OPCML: variants seen among roughly 807,000 people sequenced by gnomAD.
OPCML encodes opioid binding protein/cell adhesion molecule like, also known as opioid-binding protein/cell adhesion molecule.
Under a neutral mutation model 37.8 loss-of-function variants are expected in OPCML, and 13 were observed. The observed-to-expected ratio is 0.34, with a 90% CI of 0.22 to 0.55. OPCML has a LOEUF of 0.55. Among genes scored for constraint, OPCML ranks in the 20% least tolerant of loss-of-function variants. The pLI is 0.91. For missense variants in OPCML, 341 were observed against 435.6 expected (o/e 0.78, Z 1.93); for synonymous variants, 176 against 168.8 (o/e 1.04, Z -0.33).
At chr11:133,487,854 GCTTAA>G (rs1947563612) in intron 1 of OPCML, among the ~76,000 whole-genome samples, 1 of 151,752 alleles carries the variant, frequency 6.6e-6, no homozygotes, top group Non-Finnish European at 1.5e-5. Context: ...TGATGTTGGT[GCTTAA>G]CTTATCAATA....
intron 3 of OPCML, among the ~76,000 whole-genome samples, chr11:132,614,536 C>T (rs1938868533): frequency 6.6e-6 from 1 of 152,148 alleles, no homozygotes; most frequent in Non-Finnish European, 1.5e-5. Flanking sequence ...GTCTTACTTT[C>T]TTCATCACAG....
rs1477726628 is a variant in OPCML, at chr11:133,532,413, C to A, written c.-89G>T. ...GCCTTCCTCTGTGCTGAATTCTGAG[C>A]AGGTTTAAATCCAATGTTTGCAAAG... is the stretch of plus-strand genomic sequence containing the variant. On this transcript the variant is annotated 5_prime_UTR_variant, in exon 1 of 8. Coordinates refer to ENST00000524381, the MANE Select transcript of OPCML (RefSeq NM_001012393.5). 4 of 1,503,708 alleles carry A rather than the reference C, an allele frequency of 2.7e-6. No individual in the cohort carries two copies. Among genetic ancestry groups the A allele is most frequent in the Non-Finnish European group, 3.6e-6 (4 of 1,100,756 alleles). 93.1% of individuals were successfully genotyped at this position (1,503,708 alleles called of 1,614,324 possible).
chr11:132,993,522 G>A (rs1946821290), intron 1 of OPCML, among the ~76,000 whole-genome samples: 1 of 152,154 alleles, frequency 6.6e-6, no homozygotes, highest in Non-Finnish European at 1.5e-5. Flanking sequence ...GACCCTCCAT[G>A]AATGACACCA....
chr11:133,473,446 A>C (rs1239380874), intron 1 of OPCML, among the ~76,000 whole-genome samples: 1 of 152,230 alleles, frequency 6.6e-6, no homozygotes, highest in Non-Finnish European at 1.5e-5. Context: ...ATTTTAAATA[A>C]TTTCAACCCC....
intron 1 of OPCML, among the ~76,000 whole-genome samples, chr11:133,268,024 C>A (rs1465932430): frequency 6.6e-6 from 1 of 152,200 alleles, no homozygotes; most frequent in East Asian, 1.9e-4. Context: ...CCAGTAGGTG[C>A]AGTTCCTTCT....
At chr11:133,460,978 G>GA (rs1234363567) in intron 1 of OPCML, among the ~76,000 whole-genome samples, 2 of 151,448 alleles carry the variant, frequency 1.3e-5, no homozygotes, top group Non-Finnish European at 3.0e-5. Context: ...ATGAAGGAGG[G>GA]AAAAAAACAC....
chr11:133,368,383 G>A (rs1333744943), intron 1 of OPCML, among the ~76,000 whole-genome samples: 1 of 152,126 alleles, frequency 6.6e-6, no homozygotes, highest in Non-Finnish European at 1.5e-5. Flanking sequence ...CAGCAGAGGA[G>A]AAGATGAGGG....
At chr11:132,826,248 C>G (rs1211246403) in intron 2 of OPCML, among the ~76,000 whole-genome samples, 6 of 152,162 alleles carry the variant, frequency 3.9e-5, no homozygotes, top group Non-Finnish European at 7.4e-5. Context: ...AAAACAAGCT[C>G]CTGTTGGCTT....
chr11:133,365,048 TCACA>T (rs3220326), intron 1 of OPCML, among the ~76,000 whole-genome samples: 40,756 of 146,370 alleles, frequency 0.28, 6,032 homozygotes, highest in East Asian at 0.46. Context: ...TCTCTCTCTT[TCACA>T]CACACACACA....
chr11:133,416,426 G>A (rs1945767020), intron 1 of OPCML, among the ~76,000 whole-genome samples: 1 of 152,136 alleles, frequency 6.6e-6, no homozygotes, highest in African/African-American at 2.4e-5. Context: ...AAATAAGCTG[G>A]ACTAACTCTG....
At chr11:132,889,440 C>A (rs1943557464) in intron 2 of OPCML, among the ~76,000 whole-genome samples, 1 of 152,170 alleles carries the variant, frequency 6.6e-6, no homozygotes, top group African/African-American at 2.4e-5. Context: ...GATAACAATG[C>A]CCCACCCACA....
At chr11:133,448,286 A>G (rs577203008) in intron 1 of OPCML, among the ~76,000 whole-genome samples, 20 of 152,330 alleles carry the variant, frequency 1.3e-4, no homozygotes, top group African/African-American at 4.1e-4. Flanking sequence ...ATTTGCTGAA[A>G]AGATTATCCT....
At chr11:132,831,320 G>A (rs1940671816) in intron 2 of OPCML, among the ~76,000 whole-genome samples, 1 of 152,268 alleles carries the variant, frequency 6.6e-6, no homozygotes, top group African/African-American at 2.4e-5. Context: ...GAAAGGCAGT[G>A]ATTCAACTCT....
chr11:132,585,188 G>T (rs932401020), intron 3 of OPCML, among the ~76,000 whole-genome samples: 1 of 152,040 alleles, frequency 6.6e-6, no homozygotes, highest in Non-Finnish European at 1.5e-5. Flanking sequence ...TTTAGGCATC[G>T]ATGTCACTCT....
intron 1 of OPCML, among the ~76,000 whole-genome samples, chr11:133,037,966 G>A (rs1947811551): frequency 6.6e-6 from 1 of 152,222 alleles, no homozygotes; most frequent in Admixed American, 6.5e-5. Context: ...CAGTGTGCTG[G>A]TCTCCTAAGC....
intron 2 of OPCML, among the ~76,000 whole-genome samples, chr11:132,736,552 G>C (rs147931213): frequency 6.6e-6 from 1 of 152,296 alleles, no homozygotes; most frequent in African/African-American, 2.4e-5. Context: ...TGTGTGTCCA[G>C]TGAACTACAG....
intron 1 of OPCML, among the ~76,000 whole-genome samples, chr11:133,284,970 G>A (rs1942258526): frequency 6.6e-6 from 1 of 152,022 alleles, no homozygotes; most frequent in African/African-American, 2.4e-5. Context: ...GGTGGGGTGA[G>A]GGGTCTTATT....
intron 1 of OPCML, among the ~76,000 whole-genome samples, chr11:133,160,941 G>T (rs1312286454): frequency 6.6e-6 from 1 of 152,234 alleles, no homozygotes; most frequent in Non-Finnish European, 1.5e-5. Context: ...GCCATGTTCT[G>T]CACGGTGTGA....
intron 2 of OPCML, among the ~76,000 whole-genome samples, chr11:132,661,702 C>T (rs1941983798): frequency 6.6e-6 from 1 of 152,198 alleles, no homozygotes; most frequent in Non-Finnish European, 1.5e-5. Context: ...GCTAACCCTA[C>T]CTACTGATCC....
Sources: gnomAD v4.1 joint callset for allele counts (sites outside exome capture counted in the v4.1 genomes callset) on GRCh38, gnomAD v4.1.1 for gene constraint, MANE v1.5 for transcripts, NCBI Gene and HGNC (gene_info 2026-07-23, HGNC 2026-07-21) for gene names.